The following MYT1L variants were observed in gnomAD, a reference collection of about 807,000 sequenced individuals.
MYT1L encodes the protein myelin transcription factor 1 like, also known as myelin transcription factor 1-like protein.
In MYT1L, 12 loss-of-function variants were observed where a neutral mutation model predicts 126.7. That is an observed-to-expected ratio of 0.09 (90% CI 0.06 to 0.15). The LOEUF (loss-of-function observed/expected upper bound fraction) is 0.15, where lower values mean the gene tolerates loss of function less well. Ranked by LOEUF, MYT1L falls within the 10% of genes least tolerant of loss-of-function variation. MYT1L has a pLI of 1.00. For missense variants in MYT1L, 979 were observed against 1,585.2 expected, an observed-to-expected ratio of 0.62 and a Z score of 6.49; for synonymous variants, 541 against 604.2, an observed-to-expected ratio of 0.90 and a Z score of 1.53.
chr2:2,263,654 G>T (rs981872898), intron 2 of MYT1L, among the ~76,000 whole-genome samples: 1 of 152,098 alleles, frequency 6.6e-6, no homozygotes, highest in Non-Finnish European at 1.5e-5. Flanking sequence ...CTGGCAGGTG[G>T]CACAGAAGAG....
rs1489099646 is a variant in MYT1L at position 1,900,457 on chromosome 2, G to A, written c.2032+2623C>T. Among the ~76,000 whole-genome samples, 3 of 152,194 alleles carry A rather than the reference G, an allele frequency of 2.0e-5. No individual in the cohort carries two copies. In the East Asian group the frequency reaches 5.8e-4, roughly 29 times the overall value. ...TGGGACTACAGGCACCCGCCACCAC[G>A]CCTGGCTAATTTTTTGTATTTTTAG... is the stretch of plus-strand genomic sequence containing the variant. On this transcript the variant is annotated intron_variant, in intron 14 of 24. Transcript: ENST00000647738.
intron 9 of MYT1L, among the ~76,000 whole-genome samples, chr2:1,934,639 C>T (rs986273340): frequency 4.0e-5 from 6 of 151,790 alleles, no homozygotes; most frequent in Non-Finnish European, 7.4e-5. Context: ...CTGAAACATT[C>T]GAACGAATTA....
At chr2:2,237,526 T>C (rs1228106328) in intron 2 of MYT1L, among the ~76,000 whole-genome samples, 1 of 152,194 alleles carries the variant, frequency 6.6e-6, no homozygotes, top group Non-Finnish European at 1.5e-5. Context: ...GCAGTTTTTG[T>C]AAGTGTTTTA....
intron 18 of MYT1L, among the ~76,000 whole-genome samples, chr2:1,875,352 A>G (rs2046776936): frequency 1.3e-5 from 2 of 152,098 alleles, no homozygotes; most frequent in Admixed American, 6.5e-5. Flanking sequence ...ATTTCAAGAG[A>G]GTGTGCCTGC....
chr2:1,991,219 G>T (rs2061429879), intron 5 of MYT1L, among the ~76,000 whole-genome samples: 1 of 152,152 alleles, frequency 6.6e-6, no homozygotes, highest in Non-Finnish European at 1.5e-5. Flanking sequence ...CCAAATCACA[G>T]GGTGGATCCG....
At chr2:2,046,884 T>C (rs2068252076) in intron 4 of MYT1L, among the ~76,000 whole-genome samples, 1 of 152,222 alleles carries the variant, frequency 6.6e-6, no homozygotes, top group South Asian at 2.1e-4. Context: ...TACTGTCCAC[T>C]GAGAGGGAAA....
At chr2:1,916,224 G>A (rs1004116430) in intron 11 of MYT1L, among the ~76,000 whole-genome samples, 4 of 152,170 alleles carry the variant, frequency 2.6e-5, no homozygotes, top group Admixed American at 2.0e-4. Flanking sequence ...AAATGCTCCT[G>A]AGAACGTTTC....
In MYT1L at chr2:1,851,631, C is replaced by G. The variant is rs902325508; in HGVS notation, c.2774+10G>C. The G allele has an allele frequency of 6.2e-7, 1 of 1,612,466 alleles. No individual in the cohort carries two copies. The highest frequency in any genetic ancestry group is 8.5e-7 in the Non-Finnish European group (1 of 1,178,574). On this transcript the variant is annotated intron_variant, in intron 19 of 24. Coordinates refer to ENST00000647738, the MANE Select transcript of MYT1L (RefSeq NM_001303052.2). ...AGCATTTTGGAGAGAAGAGTAGCAT[C>G]TCTACATACCTCCGATGAGAAGCAT...
chr2:1,908,367 GCAGTCGTAGGTGGT>G (rs2051395108), intron 13 of MYT1L, among the ~76,000 whole-genome samples: 1 of 152,090 alleles, frequency 6.6e-6, no homozygotes, highest in Non-Finnish European at 1.5e-5. Context: ...CTGTAGGTGG[GCAGTCGTAGGTGGT>G]CAGTGCAGCC....
chr2:1,956,450 T>TACCTATC (rs1372708548), intron 8 of MYT1L, among the ~76,000 whole-genome samples: 1 of 125,188 alleles, frequency 8.0e-6, no homozygotes, highest in Non-Finnish European at 1.7e-5. Flanking sequence ...ACCTATCATC[T>TACCTATC]ATCTATCCTA....
intron 3 of MYT1L, among the ~76,000 whole-genome samples, chr2:2,157,135 TAAAAC>T (rs960470262): frequency 1.3e-5 from 2 of 152,158 alleles, no homozygotes; most frequent in African/African-American, 4.8e-5. Context: ...TTTTATAAAA[TAAAAC>T]AATCAAGCAG....
chr2:2,138,166 AT>A (rs1263624556), intron 3 of MYT1L, among the ~76,000 whole-genome samples: 2 of 152,198 alleles, frequency 1.3e-5, no homozygotes. Context: ...ACCAGTTAGA[AT>A]GGCAATCATT....
At chr2:1,981,793 G>A (rs1242122364) in intron 5 of MYT1L, among the ~76,000 whole-genome samples, 1 of 152,214 alleles carries the variant, frequency 6.6e-6, no homozygotes, top group African/African-American at 2.4e-5. Context: ...AAGCTGGGAG[G>A]AGACTGGCAG....
intron 2 of MYT1L, among the ~76,000 whole-genome samples, chr2:2,244,110 G>T (rs539052942): frequency 9.2e-5 from 14 of 152,256 alleles, no homozygotes; most frequent in Admixed American, 1.3e-4. Flanking sequence ...ACTCCCATAG[G>T]AAAATACTCA....
chr2:2,087,155 G>A (rs1014911927), intron 3 of MYT1L, among the ~76,000 whole-genome samples: 4 of 152,168 alleles, frequency 2.6e-5, no homozygotes, highest in African/African-American at 9.7e-5. Context: ...GCCTGCCGCT[G>A]CCTTCAGTTT....
At chr2:2,275,361 A>C (rs1356478146) in intron 2 of MYT1L, among the ~76,000 whole-genome samples, 2 of 151,968 alleles carry the variant, frequency 1.3e-5, no homozygotes, top group African/African-American at 2.4e-5. Context: ...AAAATGATGA[A>C]GCTAATACCT....
At chr2:1,818,074 C>T (rs34526459) in intron 21 of MYT1L, among the ~76,000 whole-genome samples, 3 of 151,752 alleles carry the variant, frequency 2.0e-5, no homozygotes, top group East Asian at 1.9e-4. Context: ...AACCGAGCTC[C>T]GGGAGGCCCT....
At chr2:2,270,499 G>C (rs1332866328) in intron 2 of MYT1L, among the ~76,000 whole-genome samples, 2 of 152,132 alleles carry the variant, frequency 1.3e-5, no homozygotes. Context: ...GGAATGATCT[G>C]TCACTGAATC....
At chr2:2,014,171 C>T (rs2064124821) in intron 4 of MYT1L, among the ~76,000 whole-genome samples, 1 of 150,990 alleles carries the variant, frequency 6.6e-6, no homozygotes, top group African/African-American at 2.4e-5. Context: ...ATTTTTTTTC[C>T]TGCAGTGGGA....
Sources: gnomAD v4.1 joint callset for allele counts (sites outside exome capture counted in the v4.1 genomes callset) on GRCh38, gnomAD v4.1.1 for gene constraint, MANE v1.5 for transcripts, NCBI Gene and HGNC (gene_info 2026-07-23, HGNC 2026-07-21) for gene names.